ARSB: variants seen among roughly 807,000 people sequenced by gnomAD.
ARSB encodes arylsulfatase B.
ARSB carries 41 observed loss-of-function variants against 50.9 expected under a neutral mutation model. That is an observed-to-expected ratio of 0.81 (90% CI 0.63 to 1.04). The LOEUF (loss-of-function observed/expected upper bound fraction) is 1.04, where lower values mean the gene tolerates loss of function less well. Among genes scored for constraint, ARSB ranks in the 50% least tolerant of loss-of-function variants. ARSB has a pLI of 0.00. For missense variants in ARSB, 672 were observed against 693.3 expected, an observed-to-expected ratio of 0.97 and a Z score of 0.35; for synonymous variants, 269 against 284.8, an observed-to-expected ratio of 0.94 and a Z score of 0.56.
intron 2 of ARSB, among the ~76,000 whole-genome samples, chr5:78,968,496 G>A (rs778452574): frequency 6.6e-6 from 1 of 151,958 alleles, no homozygotes; most frequent in Non-Finnish European, 1.5e-5. Context: ...CTATGGGCAA[G>A]TGCCACCATG....
At chr5:78,789,726 T>C (rs143485297) in intron 6 of ARSB, among the ~76,000 whole-genome samples, 260 of 152,286 alleles carry the variant, frequency 1.7e-3, no homozygotes, top group Non-Finnish European at 3.4e-3. Context: ...AATAAAATAG[T>C]AATAGCAGCT....
At chr5:78,985,731 A>G (rs1029941520), upstream of ARSB, 2 of 152,288 alleles carry the variant, frequency 1.3e-5, no homozygotes, top group South Asian at 2.1e-4. Flanking sequence ...CAGATCCTGA[A>G]CCATGATGTC....
intron 5 of ARSB, among the ~76,000 whole-genome samples, chr5:78,857,294 T>C (rs1361475431): frequency 6.6e-6 from 1 of 152,222 alleles, no homozygotes; most frequent in African/African-American, 2.4e-5. Context: ...AATATCAGTG[T>C]CAATATAGTC....
intron 4 of ARSB, among the ~76,000 whole-genome samples, chr5:78,887,210 G>T (rs1019490179): frequency 3.9e-5 from 6 of 152,026 alleles, no homozygotes; most frequent in African/African-American, 1.5e-4. Context: ...CTAGGCACTG[G>T]CATCAGTTGC....
intron 6 of ARSB, among the ~76,000 whole-genome samples, chr5:78,813,235 T>G (rs554936065): frequency 6.6e-6 from 1 of 152,196 alleles, no homozygotes; most frequent in South Asian, 2.1e-4. Context: ...GGCTAATTTT[T>G]GTATTTTTAG....
At chr5:78,916,303 C>G (rs1310580367) in intron 4 of ARSB, among the ~76,000 whole-genome samples, 1 of 152,168 alleles carries the variant, frequency 6.6e-6, no homozygotes, top group Non-Finnish European at 1.5e-5. Flanking sequence ...AGAAAAAAGG[C>G]CCAGAAATCT....
At chr5:78,898,542 T>TA (rs934009812) in intron 4 of ARSB, among the ~76,000 whole-genome samples, 5 of 152,168 alleles carry the variant, frequency 3.3e-5, no homozygotes, top group Admixed American at 6.5e-5. Context: ...TAGCTTTATA[T>TA]AAAAAAACAT....
intron 4 of ARSB, among the ~76,000 whole-genome samples, chr5:78,910,232 T>C (rs540889551): frequency 3.9e-5 from 6 of 152,340 alleles, no homozygotes; most frequent in East Asian, 3.9e-4. Context: ...AGGTCCTCTG[T>C]ATGCTAAGCA....
chr5:78,942,991 G>T (rs532064428), intron 4 of ARSB, among the ~76,000 whole-genome samples: 3,504 of 152,136 alleles, frequency 0.023, 135 homozygotes, highest in African/African-American at 0.078. Context: ...ATATTTAGGA[G>T]AGTTAGCTCT....
At chr5:78,828,434 T>C (rs569679843) in intron 6 of ARSB, among the ~76,000 whole-genome samples, 2 of 152,296 alleles carry the variant, frequency 1.3e-5, no homozygotes, top group Admixed American at 1.3e-4. Context: ...CACCTTTTGC[T>C]CACAGCCTTT....
chr5:78,958,368 C>A (rs999118091), intron 3 of ARSB, among the ~76,000 whole-genome samples: 1 of 152,082 alleles, frequency 6.6e-6, no homozygotes, highest in Non-Finnish European at 1.5e-5. Flanking sequence ...TGATTCCCAG[C>A]CAGCAATTGA....
At chr5:78,829,769 C>T (rs1744590802) in intron 6 of ARSB, among the ~76,000 whole-genome samples, 1 of 152,176 alleles carries the variant, frequency 6.6e-6, no homozygotes, top group South Asian at 2.1e-4. Flanking sequence ...TAAATATTTA[C>T]AAAATAGATT....
intron 2 of ARSB, among the ~76,000 whole-genome samples, chr5:78,967,414 C>T (rs916893151): frequency 6.6e-6 from 1 of 152,180 alleles, no homozygotes; most frequent in East Asian, 1.9e-4. Flanking sequence ...GTGGCTCACA[C>T]CTGTAATCCC....
intron 6 of ARSB, among the ~76,000 whole-genome samples, chr5:78,828,178 G>A (rs1435158157): frequency 6.6e-6 from 1 of 152,110 alleles, no homozygotes; most frequent in Admixed American, 6.5e-5. Flanking sequence ...TATTAACAAT[G>A]CTTATTTCTG....
intron 4 of ARSB, among the ~76,000 whole-genome samples, chr5:78,927,259 TA>T (rs1750098119): frequency 6.6e-6 from 1 of 152,222 alleles, no homozygotes; most frequent in Admixed American, 6.5e-5. Flanking sequence ...ATGGAGGTAT[TA>T]TTTTTCATTA....
intron 6 of ARSB, among the ~76,000 whole-genome samples, chr5:78,835,326 G>C (rs957987207): frequency 5.9e-5 from 9 of 152,108 alleles, no homozygotes; most frequent in African/African-American, 1.9e-4. Context: ...GGCAGGGAGC[G>C]GGGGAGGTGT....
chr5:78,928,723 AC>A (rs1412371226), intron 4 of ARSB, among the ~76,000 whole-genome samples: 9 of 152,312 alleles, frequency 5.9e-5, no homozygotes, highest in Admixed American at 5.9e-4. Flanking sequence ...GAGATTTTGA[AC>A]TTTAACAAAA....
chr5:78,910,216 C>A lies in ARSB; in HGVS notation c.899-24389G>T, dbSNP rs114273134. ...ACTGAGGAAACCCGGGGACCGGTGC[C>A]GGTGCAGGTCCTCTGTATGCTAAGC... On this transcript the variant is annotated intron_variant, in intron 4 of 7. Coordinates refer to ENST00000264914, the MANE Select transcript of ARSB (RefSeq NM_000046.5). 2.3e-3 allele frequency among the ~76,000 whole-genome samples: 351 copies of A among 152,298 alleles called. 1 individual carries two copies. Among genetic ancestry groups the A allele is most frequent in the African/African-American group, 8.1e-3 (338 of 41,554 alleles).
chr5:78,834,192 G>T (rs1320029486), intron 6 of ARSB, among the ~76,000 whole-genome samples: 1 of 152,154 alleles, frequency 6.6e-6, no homozygotes, highest in East Asian at 1.9e-4. Context: ...CTATTCTCAT[G>T]CAGTTTCTCT....
Sources: allele counts gnomAD v4.1 joint callset (sites outside exome capture counted in the v4.1 genomes callset), GRCh38; gene constraint gnomAD v4.1.1; transcripts MANE v1.5; gene names NCBI Gene and HGNC (gene_info 2026-07-23, HGNC 2026-07-21).